The following KIF26B variants were observed in gnomAD, a reference collection of about 807,000 sequenced individuals.
KIF26B encodes the protein kinesin family member 26B.
A neutral mutation model predicts 151.2 loss-of-function variants in KIF26B; 63 were observed. The ratio of observed to expected loss-of-function variants is 0.42; its 90% CI spans 0.34 to 0.51. The LOEUF is 0.51. KIF26B is among the 20% of genes least tolerant of loss of function. The probability of loss-of-function intolerance (pLI) is 0.07; values close to 1 mark genes in which losing one functional copy is unlikely to be tolerated. For synonymous variants in KIF26B, 1,357 were observed against 1,262.1 expected (o/e 1.08, Z -1.59); for missense variants, 2,813 against 2,913.6 (o/e 0.97, Z 0.79).
At chr1:245,368,065 G>A (rs1028845938) in intron 3 of KIF26B, among the ~76,000 whole-genome samples, 3 of 152,196 alleles carry the variant, frequency 2.0e-5, no homozygotes, top group South Asian at 4.1e-4. Context: ...ACAGTGATCC[G>A]TGTTGGCACT....
intron 2 of KIF26B, among the ~76,000 whole-genome samples, chr1:245,265,612 G>C (rs1192494016): frequency 6.7e-6 from 1 of 150,140 alleles, no homozygotes; most frequent in African/African-American, 2.5e-5. Flanking sequence ...TTTAAAGACA[G>C]GGTCTCACTC....
chr1:245,394,988 C>T (rs953757497), intron 3 of KIF26B, among the ~76,000 whole-genome samples: 1 of 152,160 alleles, frequency 6.6e-6, no homozygotes, highest in African/African-American at 2.4e-5. Context: ...CCATCACGCC[C>T]AGCCAAGGTG....
At chr1:245,429,264 T>G (rs1658720551) in intron 4 of KIF26B, among the ~76,000 whole-genome samples, 1 of 152,242 alleles carries the variant, frequency 6.6e-6, no homozygotes, top group South Asian at 2.1e-4. Flanking sequence ...GATGGAGTTC[T>G]GTCCTCAATG....
chr1:245,369,168 T>TGAGAGAGAGA (rs112848389), intron 3 of KIF26B, among the ~76,000 whole-genome samples: 6 of 135,760 alleles, frequency 4.4e-5, no homozygotes, highest in Admixed American at 7.4e-5. Flanking sequence ...AAAAGAAGAG[T>TGAGAGAGAGA]GAGAGAGAGA....
At chr1:245,636,931 G>C (rs969007203) in intron 9 of KIF26B, among the ~76,000 whole-genome samples, 8 of 151,888 alleles carry the variant, frequency 5.3e-5, no homozygotes, top group Middle Eastern at 3.4e-3. Flanking sequence ...TGGACACTTA[G>C]ACTGATTCTA....
chr1:245,402,189 G>A (rs1316622473), intron 3 of KIF26B, among the ~76,000 whole-genome samples: 1 of 152,226 alleles, frequency 6.6e-6, no homozygotes, highest in Non-Finnish European at 1.5e-5. Flanking sequence ...GGCTTGCATA[G>A]CTAGTATTGA....
rs867955515 is a variant in KIF26B at position 245,708,570 on chromosome 1, G to A, written c.*5964G>A. The A allele has an allele frequency of 2.6e-5, 4 of 152,154 alleles. No individual in the cohort carries two copies. The highest frequency in any genetic ancestry group is 3.9e-4 in the East Asian group (2 of 5,188). The allele number at this position is 152,154 out of a possible 1,614,324, so 9.4% of individuals were successfully genotyped here. ...TAATTCCAGCTTTGCCAGTCGTCCC[G>A]TCCGTGATATATTCCATAGGACAGA... On this transcript the variant is annotated 3_prime_UTR_variant, in exon 15 of 15. Coordinates refer to ENST00000407071, the MANE Select transcript of KIF26B (RefSeq NM_018012.4).
chr1:245,529,103 G>T (rs1661305640), intron 4 of KIF26B, among the ~76,000 whole-genome samples: 1 of 152,130 alleles, frequency 6.6e-6, no homozygotes. Context: ...CATTAGTAAG[G>T]CCGCTCCATC....
intron 2 of KIF26B, among the ~76,000 whole-genome samples, chr1:245,364,422 C>CTTTT (rs763619030): frequency 5.5e-4 from 54 of 98,906 alleles, no homozygotes; most frequent in African/African-American, 9.4e-4. Flanking sequence ...CTCTCTCTCT[C>CTTTT]TTTTTTTTTT....
At chr1:245,329,425 C>T (rs1455700277) in intron 2 of KIF26B, among the ~76,000 whole-genome samples, 7 of 152,220 alleles carry the variant, frequency 4.6e-5, no homozygotes, top group Non-Finnish European at 7.3e-5. Context: ...CCTGCAGCTC[C>T]GGAGCTCCAC....
At position 245,685,418 on chromosome 1, in the gene KIF26B, C is replaced by G. The variant is rs1212615106; in HGVS notation, c.2435C>G (p.Ser812Trp). ...KKKKTKYTSS[S>W]SGGESSCEEG... The stretch of plus-strand genomic sequence containing the variant: ...TCTCACTCACAGTACACATCCAGCT[C>G]GTCCGGCGGGGAGAGCTCCTGCGAA... The change falls in exon 12 of 15, where the codon TCG becomes TGG. Residue 812 changes from serine (S) to tryptophan (W), a missense_variant. This residue lies in a region of KIF26B where 2,060 missense variants were observed against 2,088.6 expected (regional missense o/e 0.99). Transcript: ENST00000407071. 1 of 1,610,978 alleles carries G rather than the reference C, an allele frequency of 6.2e-7. No individual in the cohort carries two copies. Among genetic ancestry groups the G allele is most frequent in the Non-Finnish European group, 8.5e-7 (1 of 1,178,314 alleles).
chr1:245,182,478 G>A (rs943622614), intron 2 of KIF26B, among the ~76,000 whole-genome samples: 4 of 152,038 alleles, frequency 2.6e-5, no homozygotes, highest in Non-Finnish European at 5.9e-5. Context: ...TTCACCAGTC[G>A]ATGGCTATGT....
rs1389141321 is a variant in KIF26B at position 245,367,217 on chromosome 1, C to G, written c.849C>G (p.Ser283=). 1.2e-6 allele frequency: 2 copies of G among 1,609,896 alleles called. No homozygotes were observed. The highest frequency in any genetic ancestry group is 1.7e-6 in the Non-Finnish European group (2 of 1,178,246). The change falls in exon 3 of 15, where the codon TCC becomes TCG. Residue 283 remains serine (S), a synonymous_variant. Coordinates refer to ENST00000407071, the MANE Select transcript of KIF26B (RefSeq NM_018012.4). This position sits in a 1 kb window ranked among gnomAD's most constrained non-coding sequence, Gnocchi z 4.2. ...VSNGAEKKSG[S]PTHQAKVSLQ... ...ATGGGGCGGAAAAGAAGAGCGGGTC[C>G]CCAACCCACCAGGCCAAGGTCAGCC...
chr1:245,452,631 T>C (rs573130777), intron 4 of KIF26B, among the ~76,000 whole-genome samples: 3 of 152,194 alleles, frequency 2.0e-5, no homozygotes, highest in East Asian at 1.9e-4. Context: ...GAAAAAGTTA[T>C]GGCCATTCTA....
intron 5 of KIF26B, among the ~76,000 whole-genome samples, chr1:245,552,070 A>G (rs902506901): frequency 1.1e-4 from 16 of 150,270 alleles, no homozygotes; most frequent in Admixed American, 2.0e-4. Context: ...ATAGGTGCTC[A>G]GTAAATACTA....
intron 10 of KIF26B, among the ~76,000 whole-genome samples, chr1:245,663,077 C>T (rs2044175036): frequency 6.6e-6 from 1 of 151,880 alleles, no homozygotes; most frequent in Admixed American, 6.6e-5. Flanking sequence ...ATTTTAGCTG[C>T]CCTGATCTCC....
Position 245,611,810 on chromosome 1 carries a change from G to A in KIF26B, c.1932G>A (p.Glu644=), listed in dbSNP as rs1487530660. ...ICGTQLQNQS[E]LRAPTAEKAA... is the part of the protein sequence containing the mutation. ...TCTTCCAGCTGCAGAACCAGAGCGAGCTGCGGGCCCCCACCGCAGAGAAGG... is the reference window on the plus strand; with the variant it reads ...TCTTCCAGCTGCAGAACCAGAGCGAACTGCGGGCCCCCACCGCAGAGAAGG... Residue 644 remains glutamate, a synonymous_variant, in exon 9 of 15, where the codon GAG becomes GAA. Transcript: ENST00000407071. 17 of 1,613,674 alleles carry A rather than the reference G, an allele frequency of 1.1e-5. No homozygotes were observed. The highest frequency in any genetic ancestry group is 1.4e-5 in the Non-Finnish European group (16 of 1,179,848).
intron 2 of KIF26B, among the ~76,000 whole-genome samples, chr1:245,219,084 G>A (rs1309873563): frequency 1.3e-5 from 2 of 148,982 alleles, no homozygotes; most frequent in African/African-American, 4.9e-5. Context: ...TGTCTGAGAG[G>A]GGAAAGCATT....
intron 2 of KIF26B, among the ~76,000 whole-genome samples, chr1:245,335,293 A>G (rs1672198072): frequency 6.6e-6 from 1 of 152,158 alleles, no homozygotes; most frequent in Non-Finnish European, 1.5e-5. Flanking sequence ...TTGGATTGCC[A>G]CTTCCCCTTT....
Sources: gnomAD v4.1 joint callset for allele counts (sites outside exome capture counted in the v4.1 genomes callset) on GRCh38, gnomAD v4.1.1 for gene constraint, gnomAD v4.1.1 regional missense constraint, Gnocchi (gnomAD v3.1) non-coding constraint, MANE v1.5 for transcripts, NCBI Gene and HGNC (gene_info 2026-07-23, HGNC 2026-07-21) for gene names.